Variants in CDH23 observed in about 807,000 individuals in gnomAD.
CDH23 encodes cadherin-23.
CDH23 carries 189 observed loss-of-function variants against 317.1 expected under a neutral mutation model. That is an observed-to-expected ratio of 0.60 (90% CI 0.53 to 0.67). The LOEUF (loss-of-function observed/expected upper bound fraction) is 0.67. Among genes scored for constraint, CDH23 ranks in the 30% least tolerant of loss-of-function variants. The pLI, the probability that CDH23 is intolerant of heterozygous loss-of-function variation, is 0.00. For missense variants in CDH23, 4,401 were observed against 4,592.4 expected (o/e 0.96, Z 1.20); for synonymous variants, 1,839 against 1,876.8 (o/e 0.98, Z 0.52).
intron 6 of CDH23, among the ~76,000 whole-genome samples, chr10:71,535,290 A>G (rs1433446420): frequency 2.0e-5 from 3 of 152,108 alleles, no homozygotes; most frequent in African/African-American, 7.2e-5. Flanking sequence ...TGCATTCCTG[A>G]TCAGGTCTCC....
chr10:71,455,907 C>T (rs1435428224), intron 3 of CDH23, among the ~76,000 whole-genome samples: 6 of 152,142 alleles, frequency 3.9e-5, no homozygotes, highest in Non-Finnish European at 8.8e-5. Flanking sequence ...CCCAGGGTCC[C>T]TAGTGAGTTA....
At chr10:71,577,170 G>C (rs1178293504) in intron 8 of CDH23, among the ~76,000 whole-genome samples, 2 of 152,156 alleles carry the variant, frequency 1.3e-5, no homozygotes, top group Non-Finnish European at 2.9e-5. Flanking sequence ...GCAGCTGTCT[G>C]CTCAGATGTT....
chr10:71,541,618 C>T (rs1390606966), intron 6 of CDH23, among the ~76,000 whole-genome samples: 1 of 152,238 alleles, frequency 6.6e-6, no homozygotes, highest in Non-Finnish European at 1.5e-5. Flanking sequence ...CAGCTCCCTC[C>T]TTGGGTTTTC....
chr10:71,803,621 G>A (rs1841622258), intron 55 of CDH23, among the ~76,000 whole-genome samples: 1 of 152,066 alleles, frequency 6.6e-6, no homozygotes, highest in Non-Finnish European at 1.5e-5. Context: ...GACCTGCCCA[G>A]TGCCACACAG....
At chr10:71,519,805 A>G (rs1298706210) in intron 6 of CDH23, among the ~76,000 whole-genome samples, 1 of 147,812 alleles carries the variant, frequency 6.8e-6, no homozygotes, top group Non-Finnish European at 1.5e-5. Flanking sequence ...TTTTTTTGAG[A>G]CAGGGTCTCA....
intron 10 of CDH23, 106 bp downstream of exon 10, chr10:71,615,722 A>C: frequency 1.3e-6 from 1 of 771,918 alleles, no homozygotes; most frequent in Non-Finnish European, 2.2e-6. Flanking sequence ...GTGGCGCCGG[A>C]AGCACTTCGC....
intron 14 of CDH23, 191 bp downstream of exon 14, chr10:71,646,808 G>A (rs1303952766): frequency 1.3e-6 from 2 of 1,522,712 alleles, no homozygotes; most frequent in Non-Finnish European, 1.8e-6. Flanking sequence ...GACCTAGGTT[G>A]CAATATGGAA....
rs1458032479 is a variant in CDH23, at chr10:71,397,862, C to G, written c.-6+544C>G. Among the ~76,000 whole-genome samples, 1 of 152,146 alleles carries G rather than the reference C, an allele frequency of 6.6e-6. No homozygotes were observed. Among genetic ancestry groups the G allele is most frequent in the Admixed American group, 6.5e-5 (1 of 15,282 alleles). ...TCAAGTCCCTGTGCCCGCGGGAGAC[C>G]CCAGGGGACTTACACATCCTCCCAA... On this transcript the variant is annotated intron_variant, in intron 1 of 69. Transcript: ENST00000224721. The surrounding 1 kb of genome is among the most constrained non-coding windows in gnomAD (Gnocchi z 4.8).
intron 1 of CDH23, among the ~76,000 whole-genome samples, chr10:71,401,264 C>T (rs548395836): frequency 6.6e-6 from 1 of 152,324 alleles, no homozygotes; most frequent in East Asian, 1.9e-4. Context: ...GCTGCCCCTC[C>T]AGCCTGTGCC....
chr10:71,804,570 C>G (rs1442676240), intron 55 of CDH23, among the ~76,000 whole-genome samples: 1 of 152,194 alleles, frequency 6.6e-6, no homozygotes, highest in Non-Finnish European at 1.5e-5. Context: ...AAAACTCTCC[C>G]AAGGCTAAGC....
chr10:71,439,298 TA>T (rs57011906), intron 1 of CDH23, among the ~76,000 whole-genome samples: 47,785 of 151,132 alleles, frequency 0.32, 7,768 homozygotes, highest in Middle Eastern at 0.45. Context: ...ATATAAAAAA[TA>T]AAAAAAAACA....
At chr10:71,532,159 A>C (rs1855409988) in intron 6 of CDH23, among the ~76,000 whole-genome samples, 1 of 151,912 alleles carries the variant, frequency 6.6e-6, no homozygotes, top group Middle Eastern at 3.4e-3. Context: ...GGACCTTTGC[A>C]GGAAGCCCAG....
chr10:71,511,860 A>T (rs551836124), intron 6 of CDH23: 2 of 154,784 alleles, frequency 1.3e-5, no homozygotes, highest in Non-Finnish European at 2.9e-5. Flanking sequence ...TGGGTGGCTG[A>T]TGGCAGTCTT....
chr10:71,633,166 C>T (rs1371615413), intron 11 of CDH23, among the ~76,000 whole-genome samples: 1 of 151,996 alleles, frequency 6.6e-6, no homozygotes, highest in Non-Finnish European at 1.5e-5. Flanking sequence ...GTGCAGAGCC[C>T]TCACGATCCA....
At chr10:71,565,209 AG>A (rs991908661) in intron 6 of CDH23, among the ~76,000 whole-genome samples, 1 of 151,358 alleles carries the variant, frequency 6.6e-6, no homozygotes, top group Admixed American at 6.6e-5. Context: ...AAGGTGGGGG[AG>A]GGGTGGTGGA....
chr10:71,645,763 C>G lies in CDH23; in HGVS notation c.1141-68C>G, dbSNP rs1452559387. 55 of 1,571,984 alleles carry G rather than the reference C, an allele frequency of 3.5e-5. No homozygotes were observed. The Admixed American group carries it at 9.5e-4, about 27-fold the overall frequency. ...GCTCACTCTCCAGGAGCCTCTGCTC[C>G]TCCATTTGGGTCTAGGCTTTGGCCA... On this transcript the variant is annotated intron_variant, in intron 12 of 69. Transcript: ENST00000224721.
At chr10:71,531,995 C>T (rs534618108) in intron 6 of CDH23, among the ~76,000 whole-genome samples, 42 of 152,260 alleles carry the variant, frequency 2.8e-4, no homozygotes, top group Non-Finnish European at 4.6e-4. Context: ...CCTTAGTCCC[C>T]AGGGAAACTA....
chr10:71,793,152 C>T (rs760032516), intron 47 of CDH23, 30 bp from the exon 48 acceptor site: 34 of 1,540,534 alleles, frequency 2.2e-5, no homozygotes, highest in East Asian at 4.6e-5. Context: ...GGCCACTGTG[C>T]GCAGCTACTC....
At chr10:71,809,059 G>A (rs1270906405) in intron 60 of CDH23, among the ~76,000 whole-genome samples, 2 of 151,914 alleles carry the variant, frequency 1.3e-5, no homozygotes, top group Non-Finnish European at 2.9e-5. Flanking sequence ...TTGAGGTCAC[G>A]CAGCTAGAAA....
Sources: gnomAD v4.1 joint callset for allele counts (sites outside exome capture counted in the v4.1 genomes callset) on GRCh38, gnomAD v4.1.1 for gene constraint, Gnocchi (gnomAD v3.1) non-coding constraint, MANE v1.5 for transcripts, NCBI Gene and HGNC (gene_info 2026-07-23, HGNC 2026-07-21) for gene names.